The following UTRN variants were observed in gnomAD, a reference collection of about 807,000 sequenced individuals.
UTRN encodes the protein utrophin.
UTRN carries 283 observed loss-of-function variants against 463.9 expected under a neutral mutation model. The observed-to-expected ratio is 0.61, with a 90% confidence interval of 0.55 to 0.67. UTRN has a LOEUF of 0.67. Ranked by LOEUF, UTRN falls within the 30% of genes least tolerant of loss-of-function variation. The probability of loss-of-function intolerance (pLI) is 0.00; values close to 1 mark genes in which losing one functional copy is unlikely to be tolerated. For missense variants in UTRN, 3,922 were observed against 4,084.3 expected, an observed-to-expected ratio of 0.96 and a Z score of 1.08; for synonymous variants, 1,442 against 1,431.5, an observed-to-expected ratio of 1.01 and a Z score of -0.17.
intron 2 of UTRN, among the ~76,000 whole-genome samples, chr6:144,369,488 G>A (rs75155751): frequency 0.024 from 3,583 of 152,242 alleles, 129 homozygotes; most frequent in African/African-American, 0.08. Context: ...GTGGTGGCGC[G>A]TGCCTCTAGT....
intron 51 of UTRN, among the ~76,000 whole-genome samples, chr6:144,604,581 A>G (rs927172520): frequency 6.6e-6 from 1 of 152,086 alleles, no homozygotes; most frequent in Non-Finnish European, 1.5e-5. Flanking sequence ...TATGTGGAAT[A>G]CTTTGTAATT....
At chr6:144,398,376 C>A in intron 2 of UTRN, 1 of 363,398 alleles carries the variant, frequency 2.8e-6, no homozygotes, top group Non-Finnish European at 5.5e-6. Context: ...CCAGGGACTT[C>A]CTTCACTGGG....
intron 41 of UTRN, among the ~76,000 whole-genome samples, chr6:144,529,786 A>G (rs1796876331): frequency 1.3e-5 from 2 of 151,998 alleles, no homozygotes; most frequent in Non-Finnish European, 2.9e-5. Flanking sequence ...GAGCCATTTT[A>G]TTTAAAAAAT....
chr6:144,812,881 C>A (rs1018267279), intron 65 of UTRN, among the ~76,000 whole-genome samples: 1 of 151,946 alleles, frequency 6.6e-6, no homozygotes, highest in Non-Finnish European at 1.5e-5. Flanking sequence ...TTGATTAATT[C>A]TTATTATACA....
intron 9 of UTRN, among the ~76,000 whole-genome samples, chr6:144,434,607 G>T (rs755770079): frequency 6.6e-6 from 1 of 152,190 alleles, no homozygotes; most frequent in Non-Finnish European, 1.5e-5. Context: ...AGTGGGATAT[G>T]AGAGTTTGGA....
chr6:144,688,097 T>C (rs1465323520), intron 52 of UTRN, among the ~76,000 whole-genome samples: 2 of 152,208 alleles, frequency 1.3e-5, no homozygotes, highest in Non-Finnish European at 2.9e-5. Flanking sequence ...GAAAGCCTTG[T>C]CTTTTGACAG....
intron 62 of UTRN, among the ~76,000 whole-genome samples, chr6:144,790,174 G>T (rs1586584559): frequency 1.3e-5 from 2 of 152,310 alleles, no homozygotes; most frequent in East Asian, 3.9e-4. Context: ...GGTAGCAGTT[G>T]CTGCTGAGTC....
intron 3 of UTRN, 66 bp downstream of exon 3, chr6:144,403,250 G>T: frequency 7.0e-7 from 1 of 1,427,510 alleles, no homozygotes; most frequent in Non-Finnish European, 9.8e-7. Flanking sequence ...AGTTTGGTTG[G>T]AAGTGCAGTG....
At chr6:144,835,592 T>C (rs1366043133) in intron 69 of UTRN, among the ~76,000 whole-genome samples, 188 bp from the exon 70 acceptor site, 1 of 152,210 alleles carries the variant, frequency 6.6e-6, no homozygotes, top group Non-Finnish European at 1.5e-5. Context: ...TGTTGACTCA[T>C]GTAATATCCA....
At chr6:144,644,506 T>C (rs1013558512) in intron 51 of UTRN, among the ~76,000 whole-genome samples, 2 of 152,148 alleles carry the variant, frequency 1.3e-5, no homozygotes, top group African/African-American at 4.8e-5. Context: ...GTTCTAAAAA[T>C]GGAGATAATT....
intron 51 of UTRN, among the ~76,000 whole-genome samples, chr6:144,667,789 A>T (rs930582741): frequency 6.6e-6 from 1 of 152,152 alleles, no homozygotes; most frequent in African/African-American, 2.4e-5. Context: ...TATGATTATA[A>T]TGAGACTGCA....
chr6:144,364,601 C>A (rs73780544), intron 2 of UTRN, among the ~76,000 whole-genome samples: 1 of 152,164 alleles, frequency 6.6e-6, no homozygotes, highest in African/African-American at 2.4e-5. Context: ...CAGATGAGTC[C>A]GTGTATTTGT....
At chr6:144,749,351 A>T (rs1190299123) in intron 55 of UTRN, among the ~76,000 whole-genome samples, 6 of 152,328 alleles carry the variant, frequency 3.9e-5, no homozygotes, top group Middle Eastern at 6.8e-3. Flanking sequence ...TAATCAAATA[A>T]TGTTAACTGC....
Position 144,581,548 on chromosome 6 carries a change from T to G in UTRN, c.7479+4260T>G, listed in dbSNP as rs1196931224. Among the ~76,000 whole-genome samples the G allele has an allele frequency of 2.6e-5, 4 of 152,178 alleles. No homozygotes were observed. The East Asian group carries it at 5.8e-4, about 22-fold the overall frequency. On this transcript the variant is annotated intron_variant, in intron 51 of 74. Transcript: ENST00000367545. ...TTGTTCCATAGATGCAGACTTTGATTATAGATTGTTTTAGATTTTCTCCTG... is the reference window on the plus strand; with the variant it reads ...TTGTTCCATAGATGCAGACTTTGATGATAGATTGTTTTAGATTTTCTCCTG...
At chr6:144,732,237 T>TATATATATAC (rs1314919610) in intron 54 of UTRN, among the ~76,000 whole-genome samples, 7 of 87,346 alleles carry the variant, frequency 8.0e-5, no homozygotes, top group African/African-American at 2.1e-4. Context: ...TATATATATA[T>TATATATATAC]ACATATATAT....
At chr6:144,496,479 C>G (rs187429496) in intron 33 of UTRN, among the ~76,000 whole-genome samples, 35 of 150,844 alleles carry the variant, frequency 2.3e-4, no homozygotes, top group African/African-American at 8.4e-4. Flanking sequence ...TATTTATTCA[C>G]TGACTGGGCA....
chr6:144,413,774 T>C (rs1784122017), intron 3 of UTRN, among the ~76,000 whole-genome samples: 1 of 152,126 alleles, frequency 6.6e-6, no homozygotes, highest in East Asian at 1.9e-4. Context: ...GTTACTGGCT[T>C]ATGTATTTAT....
intron 51 of UTRN, among the ~76,000 whole-genome samples, chr6:144,599,744 G>T (rs1305767794): frequency 1.3e-5 from 2 of 152,078 alleles, no homozygotes; most frequent in African/African-American, 4.8e-5. Flanking sequence ...ATTCAGAAGG[G>T]AATATTATTA....
intron 51 of UTRN, among the ~76,000 whole-genome samples, chr6:144,647,457 A>T (rs2128665020): frequency 6.6e-6 from 1 of 152,330 alleles, no homozygotes; most frequent in East Asian, 1.9e-4. Flanking sequence ...CTGGGACCAA[A>T]GGGAGACTTT....
Sources: gnomAD v4.1 joint callset for allele counts (sites outside exome capture counted in the v4.1 genomes callset) on GRCh38, gnomAD v4.1.1 for gene constraint, MANE v1.5 for transcripts, NCBI Gene and HGNC (gene_info 2026-07-23, HGNC 2026-07-21) for gene names.